CNTNAP4: variants seen among roughly 807,000 people sequenced by gnomAD.
CNTNAP4 encodes the protein contactin-associated protein-like 4.
CNTNAP4 carries 98 observed loss-of-function variants against 148.4 expected under a neutral mutation model. That is an observed-to-expected ratio of 0.66 (90% CI 0.56 to 0.78). The LOEUF is 0.78. Among genes scored for constraint, CNTNAP4 ranks in the 30% least tolerant of loss-of-function variants. CNTNAP4 has a pLI of 0.00. For synonymous variants in CNTNAP4, 730 were observed against 565.1 expected (o/e 1.29, Z -4.14); for missense variants, 1,935 against 1,565.6 (o/e 1.24, Z -3.98).
intron 1 of CNTNAP4, among the ~76,000 whole-genome samples, chr16:76,296,485 T>C (rs1272276575): frequency 2.0e-5 from 3 of 152,156 alleles, no homozygotes; most frequent in African/African-American, 4.8e-5. Flanking sequence ...AATGATAAAA[T>C]GGAAAAGCAA....
At chr16:76,322,122 C>T (rs745593493) in intron 2 of CNTNAP4, among the ~76,000 whole-genome samples, 3 of 152,248 alleles carry the variant, frequency 2.0e-5, no homozygotes, top group Admixed American at 6.5e-5. Context: ...ATCCAGAATC[C>T]GATGTGCTGA....
chr16:76,415,281 C>A (rs1330226352), intron 3 of CNTNAP4, among the ~76,000 whole-genome samples: 1 of 151,122 alleles, frequency 6.6e-6, no homozygotes, highest in African/African-American at 2.4e-5. Context: ...TATTTTAAAA[C>A]ATATTTAATA....
chr16:76,490,887 G>A (rs1009547931), intron 13 of CNTNAP4, among the ~76,000 whole-genome samples: 12 of 152,000 alleles, frequency 7.9e-5, no homozygotes, highest in African/African-American at 2.2e-4. Flanking sequence ...GTACAATAAC[G>A]CTACTTCTTT....
intron 2 of CNTNAP4, among the ~76,000 whole-genome samples, chr16:76,334,028 A>C (rs888774317): frequency 4.6e-5 from 7 of 151,684 alleles, no homozygotes; most frequent in Admixed American, 6.6e-5. Flanking sequence ...GCATTTTTTC[A>C]TGCAGCCATA....
intron 4 of CNTNAP4, among the ~76,000 whole-genome samples, chr16:76,431,962 A>T (rs2079625335): frequency 6.6e-6 from 1 of 152,142 alleles, no homozygotes; most frequent in Admixed American, 6.6e-5. Context: ...GGAAGATTGG[A>T]ACTCCAAGCC....
chr16:76,513,275 C>T (rs1250443875), intron 15 of CNTNAP4, among the ~76,000 whole-genome samples: 4 of 151,954 alleles, frequency 2.6e-5, no homozygotes, highest in Admixed American at 6.6e-5. Context: ...TTAGAGATTA[C>T]TAGAAAAGTT....
intron 2 of CNTNAP4, among the ~76,000 whole-genome samples, chr16:76,352,307 T>C (rs1333005132): frequency 6.6e-6 from 1 of 152,088 alleles, no homozygotes; most frequent in Admixed American, 6.6e-5. Context: ...GAAAAACTCA[T>C]CCACACGCCA....
In CNTNAP4 at chr16:76,462,003, A is replaced by T. The variant is rs1198482989; in HGVS notation, c.1381A>T (p.Lys461Ter). ...GTGGCATTCTGTCTCTTTATCTGCT[A>T]AAAAGAATCACTTGAGTGTGGCGGT... ...GQWHSVSLSA[K>*]KNHLSVAVDG... is the part of the protein sequence containing the mutation. Residue 461 changes from lysine (K) to a stop codon, truncating the protein, a stop_gained, in exon 9 of 24, where the codon AAA becomes TAA. Coordinates refer to ENST00000611870, the MANE Select transcript of CNTNAP4 (RefSeq NM_033401.5). LOFTEE classifies it high-confidence loss of function. The T allele has an allele frequency of 2.5e-6, 4 of 1,613,694 alleles. No individual in the cohort carries two copies. The African/African-American group carries it at 5.3e-5, about 22-fold the overall frequency.
intron 14 of CNTNAP4, 101 bp from the exon 15 acceptor site, chr16:76,498,466 T>C: frequency 1.2e-6 from 1 of 869,242 alleles, no homozygotes; most frequent in Non-Finnish European, 1.8e-6. Context: ...GGATCCATAC[T>C]CTTTTGTAGG....
chr16:76,300,087 A>G (rs1488246465), intron 1 of CNTNAP4, among the ~76,000 whole-genome samples: 1 of 152,160 alleles, frequency 6.6e-6, no homozygotes, highest in African/African-American at 2.4e-5. Context: ...CGGCGCATGT[A>G]TACATATGTA....
intron 7 of CNTNAP4, among the ~76,000 whole-genome samples, chr16:76,450,721 T>C (rs574705122): frequency 6.6e-6 from 1 of 152,144 alleles, no homozygotes; most frequent in Non-Finnish European, 1.5e-5. Flanking sequence ...CAAATGGCAA[T>C]GTTGGTCAGA....
Position 76,521,285 on chromosome 16 carries a change from T to C in CNTNAP4, c.2511T>C (p.Ala837=), listed in dbSNP as rs759061325. ...TATTTTTAGAGAACTTGGGGATTGC[T>C]GATTTTATACGGATAGAGCTTCGCT... ...SGVFLENLGI[A]DFIRIELRSP... is the part of the protein sequence containing the mutation. The change falls in exon 16 of 24, where the codon GCT becomes GCC. Residue 837 remains alanine (A), a synonymous_variant. Transcript: ENST00000611870. 5 of 1,612,186 alleles carry C rather than the reference T, an allele frequency of 3.1e-6. No homozygotes were observed. Among genetic ancestry groups the C allele is most frequent in the South Asian group, 1.1e-5 (1 of 90,688 alleles).
At chr16:76,411,044 A>T (rs1249266462) in intron 3 of CNTNAP4, among the ~76,000 whole-genome samples, 1 of 151,462 alleles carries the variant, frequency 6.6e-6, no homozygotes, top group Non-Finnish European at 1.5e-5. Context: ...ACATCCATAC[A>T]TACACTAGTA....
At position 76,519,012 on chromosome 16, in the gene CNTNAP4, C is replaced by T. The variant is rs560032517; in HGVS notation, c.2366-2128C>T. Among the ~76,000 whole-genome samples the T allele has an allele frequency of 2.0e-5, 3 of 152,270 alleles. No individual in the cohort carries two copies. In the East Asian group the frequency reaches 5.8e-4, roughly 29 times the overall value. On this transcript the variant is annotated intron_variant, in intron 15 of 23. Coordinates refer to ENST00000611870, the MANE Select transcript of CNTNAP4 (RefSeq NM_033401.5). ...TGTTTCCTCCCTCTCTTTGCCCTTC[C>T]TTTCTCTGAGGTGGCCCAGATTCTG...
At chr16:76,376,907 TTGTGTGTGTGTGTGTGTGTGTGTG>T (rs5817987) in intron 3 of CNTNAP4, among the ~76,000 whole-genome samples, 2 of 143,546 alleles carry the variant, frequency 1.4e-5, no homozygotes, top group Non-Finnish European at 3.0e-5. Flanking sequence ...CTAACAAGGT[TTGTGTGTGTGTGTGTGTGTGTGTG>T]TGTGTGTGTG....
chr16:76,408,908 G>T lies in CNTNAP4; in HGVS notation c.391-18544G>T, dbSNP rs145716374. 1.7e-3 allele frequency among the ~76,000 whole-genome samples: 262 copies of T among 152,012 alleles called. 1 individual carries two copies. The highest frequency in any genetic ancestry group is 6.1e-3 in the African/African-American group (252 of 41,488). On this transcript the variant is annotated intron_variant, in intron 3 of 23. Coordinates refer to ENST00000611870, the MANE Select transcript of CNTNAP4 (RefSeq NM_033401.5). ...CTCAATCAAGATTTGAGTCCCTGAG[G>T]AATTGCTGAAGGTACATATATTCAG...
chr16:76,378,735 A>G (rs991152454), intron 3 of CNTNAP4, among the ~76,000 whole-genome samples: 3 of 152,162 alleles, frequency 2.0e-5, no homozygotes, highest in Non-Finnish European at 4.4e-5. Context: ...AAGATTCCAT[A>G]TAGAACACAG....
At chr16:76,472,250 C>G (rs1187477961) in intron 10 of CNTNAP4, among the ~76,000 whole-genome samples, 1 of 150,120 alleles carries the variant, frequency 6.7e-6, no homozygotes, top group Non-Finnish European at 1.5e-5. Flanking sequence ...CCATAGGTTA[C>G]TAGTAGTAAA....
intron 3 of CNTNAP4, 70 bp downstream of exon 3, chr16:76,355,581 A>G (rs879041218): frequency 9.6e-6 from 11 of 1,145,818 alleles, no homozygotes; most frequent in South Asian, 2.7e-5. Context: ...TTGTTTACCA[A>G]TCTCTTAAAT....
Sources: allele counts gnomAD v4.1 joint callset (sites outside exome capture counted in the v4.1 genomes callset), GRCh38; gene constraint gnomAD v4.1.1; transcripts MANE v1.5; gene names NCBI Gene and HGNC (gene_info 2026-07-23, HGNC 2026-07-21).